Variants in PTCH1 observed in about 807,000 individuals in gnomAD.
PTCH1 encodes patched 1, also known as protein patched homolog 1.
A neutral mutation model predicts 144.6 loss-of-function variants in PTCH1; 14 were observed. The observed-to-expected ratio is 0.10, with a 90% CI of 0.06 to 0.15. The LOEUF (loss-of-function observed/expected upper bound fraction) is 0.15. Ranked by LOEUF, PTCH1 falls within the 10% of genes least tolerant of loss-of-function variation. The pLI is 1.00. For synonymous variants in PTCH1, 833 were observed against 793.6 expected (o/e 1.05, Z -0.83); for missense variants, 1,623 against 1,948.3 (o/e 0.83, Z 3.14).
intron 12 of PTCH1, among the ~76,000 whole-genome samples, chr9:95,473,542 A>ATTTT (rs34481207): frequency 1.7e-5 from 2 of 119,024 alleles, no homozygotes; most frequent in Non-Finnish European, 3.5e-5. Flanking sequence ...TTTCTATCCT[A>ATTTT]TTTTTTTTTT....
chr9:95,455,870 T>C (rs527808531), intron 19 of PTCH1, among the ~76,000 whole-genome samples: 2 of 152,352 alleles, frequency 1.3e-5, no homozygotes, highest in South Asian at 4.1e-4. Flanking sequence ...GGTCTCATTT[T>C]ATCCCCACTG....
intron 19 of PTCH1, 130 bp downstream of exon 19, chr9:95,456,146 G>C (rs1838901143): frequency 7.2e-7 from 1 of 1,382,230 alleles, no homozygotes; most frequent in Non-Finnish European, 9.9e-7. Flanking sequence ...TCTCCTAGGG[G>C]GCCCCTGTGC....
chr9:95,506,985 A>C, intron 1 of PTCH1: 1 of 1,000,994 alleles, frequency 1.0e-6, no homozygotes, highest in East Asian at 1.0e-4. Context: ...ATGGAGCCCA[A>C]GGTTCAGGAG....
chr9:95,486,020 T>C (rs890012314), intron 2 of PTCH1, 146 bp from the exon 3 acceptor site: 11 of 878,220 alleles, frequency 1.3e-5, no homozygotes, highest in South Asian at 2.9e-5. Flanking sequence ...ACATTCACTT[T>C]ATTAATGGCA....
At chr9:95,466,074 T>C (rs1240614595) in intron 15 of PTCH1, among the ~76,000 whole-genome samples, 3 of 151,928 alleles carry the variant, frequency 2.0e-5, no homozygotes, top group Admixed American at 6.6e-5. Context: ...GGAGATGGAG[T>C]CTCGCTCTTG....
At position 95,477,687 on chromosome 9, in the gene PTCH1, G is replaced by A. The variant is rs900926173; in HGVS notation, c.1363C>T (p.Leu455=). 2.5e-6 allele frequency: 4 copies of A among 1,614,198 alleles called. No homozygotes were observed. The South Asian group carries it at 4.4e-5, about 18-fold the overall frequency. The change falls in exon 10 of 24, where the codon CTA becomes TTA. Residue 455 remains leucine, a synonymous_variant. Coordinates refer to ENST00000331920, the MANE Select transcript of PTCH1 (RefSeq NM_000264.5). ...GYLLMLAYAC[L]TMLRWDCSKS... ...GAGCAGTCCCAGCGCAGCATGGTTAGACAGGCATAGGCGAGCTGCAAGCAG... is the reference window on the plus strand; with the variant it reads ...GAGCAGTCCCAGCGCAGCATGGTTAAACAGGCATAGGCGAGCTGCAAGCAG...
rs1397434798 is a variant in PTCH1, at chr9:95,443,932, A to G, written c.*2461T>C. 1 of 152,622 alleles carries G rather than the reference A, an allele frequency of 6.6e-6. No homozygotes were observed. Among genetic ancestry groups the G allele is most frequent in the African/African-American group, 2.4e-5 (1 of 41,456 alleles). 9.5% of individuals were successfully genotyped at this position (152,622 alleles called of 1,614,324 possible). On this transcript the variant is annotated 3_prime_UTR_variant, in exon 24 of 24. Coordinates refer to ENST00000331920, the MANE Select transcript of PTCH1 (RefSeq NM_000264.5). ...ATGTAAATGTTATATACTCTGAACT[A>G]TTTAACATTAGTAAGCACTCTATAC...
At chr9:95,454,143 G>C (rs964288408) in intron 19 of PTCH1, among the ~76,000 whole-genome samples, 1 of 152,210 alleles carries the variant, frequency 6.6e-6, no homozygotes, top group Non-Finnish European at 1.5e-5. Flanking sequence ...AAATACACAG[G>C]ACCGTACATT....
chr9:95,447,364 G>T lies in PTCH1; in HGVS notation c.3892C>A (p.Gln1298Lys), dbSNP rs2136582810. The change falls in exon 23 of 24, where the codon CAA becomes AAA. Residue 1298 changes from glutamine (Q) to lysine (K), a missense_variant. Gln to Lys is a moderately conservative substitution (Grantham distance 53, BLOSUM62 1). Transcript: ENST00000331920. ...LDSGSLPPGR[Q>K]GQQPRRDPPR... ...GGGTCCCTGCGGGGCTGCTGGCCTT[G>T]CCGTCCGGGAGGCAGGGACCCTGAG... is the stretch of plus-strand genomic sequence containing the variant. 6.2e-7 allele frequency: 1 copy of T among 1,613,438 alleles called. No homozygotes were observed.
intron 2 of PTCH1, among the ~76,000 whole-genome samples, chr9:95,498,436 T>G (rs926523400): frequency 5.3e-5 from 8 of 152,128 alleles, no homozygotes; most frequent in Non-Finnish European, 1.0e-4. Context: ...ACAATACAGT[T>G]TCCCTAACAC....
intron 15 of PTCH1, among the ~76,000 whole-genome samples, chr9:95,465,884 T>G (rs1221240753): frequency 3.9e-5 from 6 of 152,222 alleles, no homozygotes; most frequent in East Asian, 1.9e-4. Context: ...CTACTTGGCT[T>G]TGCATGTGTC....
rs1322705288 is a variant in PTCH1 at position 95,458,539 on chromosome 9, G to A, written c.2888-246C>T. On this transcript the variant is annotated intron_variant, in intron 17 of 23. Coordinates refer to ENST00000331920, the MANE Select transcript of PTCH1 (RefSeq NM_000264.5). This position sits in a 1 kb window ranked among gnomAD's most constrained non-coding sequence, Gnocchi z 4.7. ...TAATCTTCCAGCAGTCATTCTTTGTGAGGGGTCTAAAAACTCCAGGCTTAC... is the reference window on the plus strand; with the variant it reads ...TAATCTTCCAGCAGTCATTCTTTGTAAGGGGTCTAAAAACTCCAGGCTTAC... Among the ~76,000 whole-genome samples, 2 of 152,186 alleles carry A rather than the reference G, an allele frequency of 1.3e-5. No individual in the cohort carries two copies. The highest frequency in any genetic ancestry group is 2.9e-5 in the Non-Finnish European group (2 of 68,036).
chr9:95,471,944 G>A (rs1202121459), intron 12 of PTCH1, among the ~76,000 whole-genome samples: 1 of 152,252 alleles, frequency 6.6e-6, no homozygotes, highest in Non-Finnish European at 1.5e-5. Flanking sequence ...GGCTGAGGCA[G>A]GAGAACTGCT....
chr9:95,458,067 G>A lies in PTCH1; in HGVS notation c.3114C>T (p.Cys1038=), dbSNP rs1303636474. ...LLLFISVVLA[C]TFLVCAVFLL... is the part of the protein sequence containing the mutation. ...GGAAGACAGCGCACACGAGGAATGTGCAGGCCAACACCACGCTGATGAACA... is the reference window on the plus strand; with the variant it reads ...GGAAGACAGCGCACACGAGGAATGTACAGGCCAACACCACGCTGATGAACA... The change falls in exon 18 of 24, where the codon TGC becomes TGT. Residue 1038 remains cysteine (C), a synonymous_variant. Transcript: ENST00000331920. The surrounding 1 kb of genome is among the most constrained non-coding windows in gnomAD (Gnocchi z 4.7). 6 of 1,614,220 alleles carry A rather than the reference G, an allele frequency of 3.7e-6. No homozygotes were observed. The East Asian group carries it at 1.1e-4, about 30-fold the overall frequency.
intron 15 of PTCH1, among the ~76,000 whole-genome samples, chr9:95,464,949 T>C (rs1033009169): frequency 4.6e-5 from 7 of 152,136 alleles, no homozygotes; most frequent in Non-Finnish European, 1.0e-4. Flanking sequence ...TGTTGAGTGC[T>C]CTAGCGGACC....
chr9:95,487,218 G>A (rs547777420), intron 2 of PTCH1, among the ~76,000 whole-genome samples: 24 of 152,308 alleles, frequency 1.6e-4, no homozygotes, highest in Middle Eastern at 3.4e-3. Context: ...AGGTCCACGC[G>A]GATGCCAAGG....
chr9:95,515,239 C>G (rs1844312449), intron 1 of PTCH1, among the ~76,000 whole-genome samples: 1 of 152,168 alleles, frequency 6.6e-6, no homozygotes, highest in Non-Finnish European at 1.5e-5. Flanking sequence ...ACACAGAATG[C>G]TGAAAAAGGA....
intron 2 of PTCH1, among the ~76,000 whole-genome samples, chr9:95,499,924 T>C (rs1412834847): frequency 2.0e-5 from 3 of 151,656 alleles, no homozygotes; most frequent in Non-Finnish European, 4.4e-5. Context: ...CCTACCCCAA[T>C]ACAAGCAGGA....
intron 15 of PTCH1, among the ~76,000 whole-genome samples, chr9:95,465,232 C>A (rs1427127461): frequency 1.3e-5 from 2 of 152,196 alleles, no homozygotes; most frequent in Non-Finnish European, 2.9e-5. Context: ...GCCTAACATG[C>A]CACATTGAGC....
Sources: allele counts gnomAD v4.1 joint callset (sites outside exome capture counted in the v4.1 genomes callset), GRCh38; gene constraint gnomAD v4.1.1; non-coding constraint Gnocchi (gnomAD v3.1); transcripts MANE v1.5; gene names NCBI Gene and HGNC (gene_info 2026-07-23, HGNC 2026-07-21).